Variants in DNAJC7 observed in about 807,000 individuals in gnomAD.
DNAJC7 encodes dnaJ homolog subfamily C member 7.
In DNAJC7, 18 loss-of-function variants were observed where a neutral mutation model predicts 67.4. That is an observed-to-expected ratio of 0.27 (90% confidence interval 0.18 to 0.40). The LOEUF (loss-of-function observed/expected upper bound fraction) is 0.40, where lower values mean the gene tolerates loss of function less well. Among genes scored for constraint, DNAJC7 ranks in the 10% least tolerant of loss-of-function variants. The pLI, the probability that DNAJC7 is intolerant of heterozygous loss-of-function variation, is 1.00. For synonymous variants in DNAJC7, 220 were observed against 207.8 expected, an observed-to-expected ratio of 1.06 and a Z score of -0.50; for missense variants, 419 against 613.8, an observed-to-expected ratio of 0.68 and a Z score of 3.35.
At chr17:41,987,232 GAC>G (rs1209850381) in intron 9 of DNAJC7, among the ~76,000 whole-genome samples, 6 of 152,106 alleles carry the variant, frequency 3.9e-5, no homozygotes, top group Non-Finnish European at 7.3e-5. Context: ...CACCCTGTCA[GAC>G]ACAGAGTGCC....
intron 5 of DNAJC7, among the ~76,000 whole-genome samples, chr17:41,993,103 A>C (rs2051551493): frequency 6.6e-6 from 1 of 152,242 alleles, no homozygotes; most frequent in Non-Finnish European, 1.5e-5. Context: ...AATCAGATAT[A>C]TACATTACCA....
intron 1 of DNAJC7, among the ~76,000 whole-genome samples, chr17:42,010,162 GAGACAGACAGAA>G (rs1439119674): frequency 6.0e-5 from 9 of 149,328 alleles, no homozygotes; most frequent in Admixed American, 2.0e-4. Flanking sequence ...AAGAAAGAAA[GAGACAGACAGAA>G]AGAGAGAAAG....
At chr17:41,984,083 T>C (rs1555646417) in intron 9 of DNAJC7, among the ~76,000 whole-genome samples, 1 of 152,122 alleles carries the variant, frequency 6.6e-6, no homozygotes, top group Non-Finnish European at 1.5e-5. Flanking sequence ...CAATCCAGAA[T>C]AGAGGTGGGA....
At chr17:41,991,111 T>A (rs2051502609) in intron 5 of DNAJC7, among the ~76,000 whole-genome samples, 1 of 152,212 alleles carries the variant, frequency 6.6e-6, no homozygotes, top group Non-Finnish European at 1.5e-5. Flanking sequence ...AGCATCTCCA[T>A]ATATTCTGTT....
intron 2 of DNAJC7, among the ~76,000 whole-genome samples, chr17:41,999,480 CA>C (rs1445029867): frequency 6.6e-5 from 10 of 152,052 alleles, no homozygotes; most frequent in African/African-American, 2.4e-4. Flanking sequence ...ACCCATTGGG[CA>C]AAAGGCTACT....
chr17:42,008,011 C>CT (rs1320824904), intron 1 of DNAJC7, among the ~76,000 whole-genome samples: 4 of 151,156 alleles, frequency 2.6e-5, no homozygotes, highest in Non-Finnish European at 5.9e-5. Context: ...TAAGAAGTTT[C>CT]TTTTTTAAAA....
intron 4 of DNAJC7, among the ~76,000 whole-genome samples, chr17:41,995,439 T>C (rs1375022894): frequency 2.0e-5 from 3 of 152,220 alleles, no homozygotes; most frequent in Non-Finnish European, 4.4e-5. Context: ...GTAAACTGTA[T>C]ATACAGTCAT....
intron 4 of DNAJC7, 35 bp from the exon 5 acceptor site, chr17:41,994,979 T>A (rs1567962625): frequency 1.3e-6 from 2 of 1,588,506 alleles, no homozygotes; most frequent in Admixed American, 3.4e-5. Context: ...AAAGTTTTAA[T>A]GAAGCTGTAG....
chr17:42,005,632 GC>G (rs564809745), intron 1 of DNAJC7, among the ~76,000 whole-genome samples: 35 of 152,314 alleles, frequency 2.3e-4, no homozygotes, highest in Non-Finnish European at 4.0e-4. Flanking sequence ...CCACCTCACT[GC>G]ATGAAAAACA....
intron 12 of DNAJC7, among the ~76,000 whole-genome samples, chr17:41,980,337 C>T (rs2051216556): frequency 6.6e-6 from 1 of 152,110 alleles, no homozygotes; most frequent in African/African-American, 2.4e-5. Flanking sequence ...CGTGAGCCAC[C>T]ATGCCCAGCA....
chr17:42,014,302 G>C (rs986798933), intron 1 of DNAJC7: 1 of 150,022 alleles, frequency 6.7e-6, no homozygotes, highest in Admixed American at 6.7e-5. Flanking sequence ...CGAGTAGCTG[G>C]GATTACAGGT....
At chr17:42,015,834 A>G (rs1555651824) in intron 1 of DNAJC7, 1 of 152,212 alleles carries the variant, frequency 6.6e-6, no homozygotes, top group Non-Finnish European at 1.5e-5. Context: ...AGCCTGGGCG[A>G]CAGAGCGAGA....
intron 1 of DNAJC7, chr17:42,017,097 C>T: frequency 2.1e-6 from 3 of 1,426,494 alleles, no homozygotes; most frequent in Non-Finnish European, 2.7e-6. Flanking sequence ...TAAGGACGAT[C>T]GTCCTCTCAG....
intron 12 of DNAJC7, among the ~76,000 whole-genome samples, chr17:41,978,641 C>CGAGGTCAGG (rs1431423758): frequency 6.6e-6 from 1 of 152,038 alleles, no homozygotes; most frequent in Non-Finnish European, 1.5e-5. Context: ...GGGTGGATCA[C>CGAGGTCAGG]GAGGTCAGGA....
chr17:41,998,737 T>C (rs1567964764), intron 2 of DNAJC7, among the ~76,000 whole-genome samples: 1 of 152,182 alleles, frequency 6.6e-6, no homozygotes, highest in Non-Finnish European at 1.5e-5. Context: ...AGCATGGAGA[T>C]AACTAAGACT....
chr17:42,012,867 C>T (rs2052156373), intron 1 of DNAJC7: 1 of 152,242 alleles, frequency 6.6e-6, no homozygotes, highest in Non-Finnish European at 1.5e-5. Flanking sequence ...GTGATCGCAG[C>T]TCACTGCAGC....
Position 41,982,395 on chromosome 17 carries a change from T to C in DNAJC7, c.1091A>G (p.Lys364Arg). The change falls in exon 11 of 14, where the codon AAA becomes AGA. Residue 364 changes from lysine to arginine, a missense_variant. Lys to Arg is a conservative substitution (Grantham distance 26, BLOSUM62 2). Transcript: ENST00000457167. ...CAGCTGCGCATTTTTTAGGAGCTGT[T>C]TGTGTTCTACAGGAAGACATCTGGC... Reference protein sequence around the residue: ...VYQTEKTKEHKQLLKNAQLEL... With the variant: ...VYQTEKTKEHRQLLKNAQLEL... The C allele has an allele frequency of 3.7e-6, 6 of 1,613,920 alleles. No homozygotes were observed. The highest frequency in any genetic ancestry group is 5.1e-6 in the Non-Finnish European group (6 of 1,179,854).
At position 41,990,401 on chromosome 17, in the gene DNAJC7, C is replaced by T. The variant is rs1184082482; in HGVS notation, c.481-19G>A. The T allele has an allele frequency of 7.6e-6, 12 of 1,577,906 alleles. No individual in the cohort carries two copies. Among genetic ancestry groups the T allele is most frequent in the East Asian group, 4.6e-5 (2 of 43,880 alleles). On this transcript the variant is annotated intron_variant, in intron 5 of 13. Coordinates refer to ENST00000457167, the MANE Select transcript of DNAJC7 (RefSeq NM_003315.4). ...AAACAACCTGTAGGGAAGAAGAAAACAAATAAGGCTCTTCATCAGGGACTC... is the reference window on the plus strand; with the variant it reads ...AAACAACCTGTAGGGAAGAAGAAAATAAATAAGGCTCTTCATCAGGGACTC...
At chr17:42,007,876 G>T (rs1290654018) in intron 1 of DNAJC7, among the ~76,000 whole-genome samples, 7 of 106,708 alleles carry the variant, frequency 6.6e-5, no homozygotes, top group African/African-American at 2.6e-4. Context: ...ACAGAATTTC[G>T]CTCTTGTTGC....
Sources: gnomAD v4.1 joint callset for allele counts (sites outside exome capture counted in the v4.1 genomes callset) on GRCh38, gnomAD v4.1.1 for gene constraint, MANE v1.5 for transcripts, NCBI Gene and HGNC (gene_info 2026-07-23, HGNC 2026-07-21) for gene names.